Variants in CALN1 observed in about 807,000 individuals in gnomAD.
The protein encoded by CALN1 is calcium-binding protein 8.
A neutral mutation model predicts 30.6 loss-of-function variants in CALN1; 17 were observed. That is an observed-to-expected ratio of 0.56 (90% CI 0.38 to 0.83). The LOEUF (loss-of-function observed/expected upper bound fraction) is 0.83. Ranked by LOEUF, CALN1 falls within the 40% of genes least tolerant of loss-of-function variation. CALN1 has a pLI of 0.00. For missense variants in CALN1, 291 were observed against 354.9 expected (o/e 0.82, Z 1.45); for synonymous variants, 156 against 131.4 (o/e 1.19, Z -1.28).
At chr7:72,221,218 C>CCTA (rs1793264753) in intron 3 of CALN1, among the ~76,000 whole-genome samples, 1 of 151,754 alleles carries the variant, frequency 6.6e-6, no homozygotes, top group South Asian at 2.1e-4. Context: ...ACAGAACTGA[C>CCTA]CTATCAGGGA....
intron 1 of CALN1, among the ~76,000 whole-genome samples, chr7:72,404,586 G>A (rs567467837): frequency 1.1e-4 from 16 of 152,110 alleles, no homozygotes; most frequent in East Asian, 3.9e-4. Flanking sequence ...ATGGCTTCTC[G>A]CAGAAACACA....
At chr7:72,157,051 T>A (rs1787739898) in intron 3 of CALN1, among the ~76,000 whole-genome samples, 2 of 152,164 alleles carry the variant, frequency 1.3e-5, no homozygotes, top group African/African-American at 4.8e-5. Flanking sequence ...GATGGAAGTA[T>A]AAAACAATGT....
Position 71,979,869 on chromosome 7 carries a change from C to CTTTTTTTTT in CALN1, c.501+43779_501+43787dup, listed in dbSNP as rs555621436. 1.1e-3 allele frequency among the ~76,000 whole-genome samples: 101 copies of CTTTTTTTTT among 89,680 alleles called. 5 individuals carry two copies. Among genetic ancestry groups the CTTTTTTTTT allele is most frequent in the African/African-American group, 4.1e-3 (97 of 23,538 alleles). 58.8% of individuals were successfully genotyped at this position (89,680 alleles called of 152,430 possible). A position where few individuals can be genotyped will look rare whatever the true frequency, so the allele number is the denominator to read the frequency against. ...ATAAAATCTCAGACACATCAGGATTCTTTTTTTTTTTTTTTTTTTTTTTTT... is the reference window on the plus strand; with the variant it reads ...ATAAAATCTCAGACACATCAGGATTCTTTTTTTTTTTTTTTTTTTTTTTTTTTTTTTTTT... On this transcript the variant is annotated intron_variant, in intron 5 of 6. Coordinates refer to ENST00000395275, the MANE Select transcript of CALN1 (RefSeq NM_031468.4).
chr7:72,464,275 C>T, the CALN1 span, among the ~76,000 whole-genome samples: 1 of 152,138 alleles, frequency 6.6e-6, no homozygotes, highest in Non-Finnish European at 1.5e-5. Flanking sequence ...TGCCACTGCA[C>T]TCCAGCCTGG....
chr7:72,353,704 A>G (rs1367011169), intron 2 of CALN1, among the ~76,000 whole-genome samples: 1 of 152,188 alleles, frequency 6.6e-6, no homozygotes, highest in Non-Finnish European at 1.5e-5. Context: ...CCAGCCAGTG[A>G]AATAAGTCAA....
chr7:72,486,961 G>A, the CALN1 span, among the ~76,000 whole-genome samples: 19 of 152,300 alleles, frequency 1.2e-4, no homozygotes, highest in South Asian at 6.2e-4. Context: ...AATGGATTCA[G>A]AATCTAGCCA....
intron 3 of CALN1, among the ~76,000 whole-genome samples, chr7:72,175,452 C>A (rs564359431): frequency 4.8e-4 from 73 of 152,256 alleles, no homozygotes; most frequent in African/African-American, 1.7e-3. Context: ...AGTGAAGATT[C>A]TTGAGGAGCA....
At position 72,380,174 on chromosome 7, in the gene CALN1, G is replaced by T. The variant is rs80186077; in HGVS notation, c.119+23077C>A. Among the ~76,000 whole-genome samples, 82 of 152,178 alleles carry T rather than the reference G, an allele frequency of 5.4e-4. 1 individual carries two copies. In the East Asian group the frequency reaches 0.015, roughly 28 times the overall value. On this transcript the variant is annotated intron_variant, in intron 2 of 6. Transcript: ENST00000395275. Reference sequence around the variant, plus strand: ...CAGACAAAGAGAAGATTCCACTTAGGTTCCACAGCCCCATGCCAGCTGGAT... The same window carrying T: ...CAGACAAAGAGAAGATTCCACTTAGTTTCCACAGCCCCATGCCAGCTGGAT...
intron 3 of CALN1, among the ~76,000 whole-genome samples, chr7:72,255,042 T>A (rs1301677163): frequency 1.3e-5 from 2 of 152,170 alleles, no homozygotes; most frequent in Non-Finnish European, 2.9e-5. Context: ...CCACCCACCT[T>A]GGCCTCTCAA....
chr7:71,940,436 A>G (rs1419717714), intron 5 of CALN1, among the ~76,000 whole-genome samples: 1 of 152,120 alleles, frequency 6.6e-6, no homozygotes, highest in African/African-American at 2.4e-5. Flanking sequence ...GTTACAGCAA[A>G]TTTCCTGAGA....
intron 6 of CALN1, among the ~76,000 whole-genome samples, chr7:71,809,179 A>G (rs1462209051): frequency 6.6e-6 from 1 of 151,908 alleles, no homozygotes; most frequent in Non-Finnish European, 1.5e-5. Flanking sequence ...CCTCTCTCCC[A>G]CTGTTTGCAA....
At position 72,409,981 on chromosome 7, in the gene CALN1, G is replaced by C. The variant is rs544285332; in HGVS notation, c.-74+2077C>G. Among the ~76,000 whole-genome samples the C allele has an allele frequency of 8.6e-4, 131 of 152,284 alleles. 1 individual carries two copies. The highest frequency in any genetic ancestry group is 5.3e-3 in the Admixed American group (81 of 15,288). On this transcript the variant is annotated intron_variant, in intron 1 of 6. Coordinates refer to ENST00000395275, the MANE Select transcript of CALN1 (RefSeq NM_031468.4). ...GTCCTTTCCTCTAAAACCCTGCAAAGATGCACCACATTTAACCCACAAAAA... is the reference window on the plus strand; with the variant it reads ...GTCCTTTCCTCTAAAACCCTGCAAACATGCACCACATTTAACCCACAAAAA...
intron 2 of CALN1, among the ~76,000 whole-genome samples, chr7:72,339,713 G>A (rs566379109): frequency 1.8e-4 from 28 of 152,334 alleles, no homozygotes; most frequent in African/African-American, 3.8e-4. Context: ...ATGGCAGAAG[G>A]TAAAGGAGAA....
chr7:71,859,096 C>T (rs1791123027), intron 5 of CALN1, among the ~76,000 whole-genome samples: 1 of 152,000 alleles, frequency 6.6e-6, no homozygotes, highest in Non-Finnish European at 1.5e-5. Context: ...CAGAGTTTTG[C>T]TCTATCCCCA....
chr7:72,158,601 C>T (rs1787887048), intron 3 of CALN1, among the ~76,000 whole-genome samples: 1 of 152,166 alleles, frequency 6.6e-6, no homozygotes, highest in Non-Finnish European at 1.5e-5. Context: ...AGAGGGCCCT[C>T]ATGGGTAGGC....
At chr7:72,246,032 T>G (rs1401807845) in intron 3 of CALN1, among the ~76,000 whole-genome samples, 1 of 152,190 alleles carries the variant, frequency 6.6e-6, no homozygotes, top group East Asian at 1.9e-4. Context: ...CTTTCTTTTC[T>G]CCCTATGGGA....
At chr7:71,977,633 C>A (rs1487650868) in intron 5 of CALN1, among the ~76,000 whole-genome samples, 1 of 151,882 alleles carries the variant, frequency 6.6e-6, no homozygotes. Flanking sequence ...ACAGTGCTTA[C>A]AAAAAGCAAT....
At chr7:72,233,795 G>A (rs1374564855) in intron 3 of CALN1, among the ~76,000 whole-genome samples, 1 of 152,118 alleles carries the variant, frequency 6.6e-6, no homozygotes, top group Non-Finnish European at 1.5e-5. Context: ...TCTGAGGTCA[G>A]GAGTTCAAGA....
chr7:71,857,089 T>A (rs1224907291), intron 5 of CALN1, among the ~76,000 whole-genome samples: 1 of 151,554 alleles, frequency 6.6e-6, no homozygotes, highest in African/African-American at 2.4e-5. Context: ...GGCCTAAGTG[T>A]AGAAACTATG....
Sources: allele counts gnomAD v4.1 joint callset (sites outside exome capture counted in the v4.1 genomes callset), GRCh38; gene constraint gnomAD v4.1.1; transcripts MANE v1.5; gene names NCBI Gene and HGNC (gene_info 2026-07-23, HGNC 2026-07-21).